The following TENM4 variants were observed in gnomAD, a reference collection of about 807,000 sequenced individuals.
TENM4 encodes the protein teneurin transmembrane protein 4, also known as teneurin-4.
A neutral mutation model predicts 243.3 loss-of-function variants in TENM4; 82 were observed. The ratio of observed to expected loss-of-function variants is 0.34; its 90% confidence interval spans 0.28 to 0.40. The LOEUF (loss-of-function observed/expected upper bound fraction) is 0.40. TENM4 is among the 10% of genes least tolerant of loss of function. TENM4 has a pLI of 1.00. For missense variants in TENM4, 3,138 were observed against 3,673.3 expected (o/e 0.85, Z 3.77); for synonymous variants, 1,412 against 1,456.3 (o/e 0.97, Z 0.69).
At position 79,128,345 on chromosome 11, in the gene TENM4, T is replaced by C. The variant is rs116833327; in HGVS notation, c.-66+20365A>G. Among the ~76,000 whole-genome samples the C allele has an allele frequency of 7.8e-3, 1,182 of 152,330 alleles. 17 individuals are homozygous for C. Among genetic ancestry groups the C allele is most frequent in the African/African-American group, 0.028 (1,144 of 41,568 alleles). On this transcript the variant is annotated intron_variant, in intron 4 of 33. Coordinates refer to ENST00000278550, the MANE Select transcript of TENM4 (RefSeq NM_001098816.3). ...GAAACCTGTACTGTCTATCATGAAC[T>C]GGGTGCTTTCAGACCCATCTATCCA... is the stretch of plus-strand genomic sequence containing the variant.
intron 4 of TENM4, among the ~76,000 whole-genome samples, chr11:79,082,192 A>G (rs956081736): frequency 3.3e-5 from 5 of 152,106 alleles, no homozygotes; most frequent in African/African-American, 9.7e-5. Context: ...AAGCTCTCTG[A>G]CTTTCTCTTT....
At chr11:79,010,930 A>C (rs1278205160) in intron 6 of TENM4, among the ~76,000 whole-genome samples, 1 of 152,158 alleles carries the variant, frequency 6.6e-6, no homozygotes, top group Non-Finnish European at 1.5e-5. Flanking sequence ...GCCCCTTACT[A>C]GCTGTGGGTC....
At chr11:79,185,514 T>C (rs778782873) in intron 3 of TENM4, among the ~76,000 whole-genome samples, 4 of 152,184 alleles carry the variant, frequency 2.6e-5, no homozygotes, top group Admixed American at 1.3e-4. Context: ...CCAATTTTCA[T>C]ATTGTATCAC....
At chr11:79,223,548 C>A (rs1565257247) in intron 2 of TENM4, among the ~76,000 whole-genome samples, 1 of 152,090 alleles carries the variant, frequency 6.6e-6, no homozygotes, top group Non-Finnish European at 1.5e-5. Context: ...CCTTATTGCT[C>A]CCCTATTGTC....
intron 3 of TENM4, among the ~76,000 whole-genome samples, chr11:79,161,522 G>A (rs1213632267): frequency 6.6e-6 from 1 of 152,156 alleles, no homozygotes; most frequent in Admixed American, 6.6e-5. Context: ...AGAGGGGAAG[G>A]CCATGTGAAG....
chr11:79,415,867 T>C (rs988611494), intron 1 of TENM4, among the ~76,000 whole-genome samples: 8 of 151,770 alleles, frequency 5.3e-5, no homozygotes, highest in African/African-American at 1.9e-4. Flanking sequence ...CCCCCAAATT[T>C]CCCCATCCCC....
intron 26 of TENM4, among the ~76,000 whole-genome samples, chr11:78,711,273 T>C (rs1001585886): frequency 7.2e-5 from 11 of 152,212 alleles, no homozygotes; most frequent in Admixed American, 6.5e-4. Flanking sequence ...ACAACAATAA[T>C]AGGAATCATC....
At chr11:79,007,515 G>A (rs1858520732) in intron 6 of TENM4, among the ~76,000 whole-genome samples, 1 of 152,140 alleles carries the variant, frequency 6.6e-6, no homozygotes, top group Non-Finnish European at 1.5e-5. Context: ...ACTGCAAGCG[G>A]TATGCAGGCA....
rs184376312 is a variant in TENM4, at chr11:78,734,637, T to C, written c.2877-2060A>G. ...CAAAGCCTGTCTTAATTGGCTTTGT[T>C]GGATGGAGAACTCCTAACTATCAAA... On this transcript the variant is annotated intron_variant, in intron 20 of 33. Transcript: ENST00000278550. 4.8e-3 allele frequency among the ~76,000 whole-genome samples: 733 copies of C among 152,300 alleles called. 4 individuals are homozygous for C. Among genetic ancestry groups the C allele is most frequent in the African/African-American group, 0.016 (676 of 41,560 alleles).
chr11:78,965,247 C>T (rs562972976), intron 6 of TENM4, among the ~76,000 whole-genome samples: 3 of 152,118 alleles, frequency 2.0e-5, no homozygotes, highest in Admixed American at 2.0e-4. Flanking sequence ...TATGTGAGTA[C>T]ACAATATGCA....
chr11:79,106,303 C>A (rs1415451446), intron 4 of TENM4, among the ~76,000 whole-genome samples: 1 of 152,204 alleles, frequency 6.6e-6, no homozygotes, highest in South Asian at 2.1e-4. Flanking sequence ...ATTCATGGAT[C>A]ACACCTTTGC....
chr11:79,048,105 C>A lies in TENM4; in HGVS notation c.493+16633G>T, dbSNP rs1312502948. ...TTGGGATAAAAAAGGAAAAATTAGT[C>A]CCTGACAGCCAGGAGCTGGCCTGGC... On this transcript the variant is annotated intron_variant, in intron 6 of 33. Coordinates refer to ENST00000278550, the MANE Select transcript of TENM4 (RefSeq NM_001098816.3). Among the ~76,000 whole-genome samples, 40 of 152,100 alleles carry A rather than the reference C, an allele frequency of 2.6e-4. 1 individual carries two copies. Among genetic ancestry groups the A allele is most frequent in the Admixed American group, 2.6e-3 (40 of 15,270 alleles).
At chr11:79,057,348 A>G (rs1859969373) in intron 6 of TENM4, among the ~76,000 whole-genome samples, 1 of 151,634 alleles carries the variant, frequency 6.6e-6, no homozygotes, top group Non-Finnish European at 1.5e-5. Context: ...CTAGCCACAC[A>G]CACACTCCTG....
intron 17 of TENM4, among the ~76,000 whole-genome samples, chr11:78,773,792 C>T (rs942988824): frequency 1.3e-5 from 2 of 152,204 alleles, no homozygotes; most frequent in African/African-American, 4.8e-5. Context: ...TTAGATGCTT[C>T]AGGACAGTGA....
chr11:79,298,537 A>G (rs1590861423), intron 1 of TENM4, among the ~76,000 whole-genome samples: 2 of 150,278 alleles, frequency 1.3e-5, no homozygotes, highest in East Asian at 1.9e-4. Flanking sequence ...AAAAAAAAAA[A>G]AAAAAAAAAA....
At chr11:78,859,599 A>C (rs1858766507) in intron 10 of TENM4, among the ~76,000 whole-genome samples, 1 of 152,360 alleles carries the variant, frequency 6.6e-6, no homozygotes, top group South Asian at 2.1e-4. Context: ...TCTTGAACTG[A>C]GATCTACCTA....
At chr11:79,414,441 C>G (rs1485934321) in intron 1 of TENM4, among the ~76,000 whole-genome samples, 1 of 152,112 alleles carries the variant, frequency 6.6e-6, no homozygotes, top group Non-Finnish European at 1.5e-5. Context: ...GTCCAAGGAC[C>G]AGAAGAAAGA....
Position 78,805,277 on chromosome 11 carries a change from T to TGCCCCCCCCCCCCCACCCCCCC in TENM4, c.2179+14_2179+15insGGGGGGGTGGGGGGGGGGGGGC. On this transcript the variant is annotated intron_variant, in intron 15 of 33. Coordinates refer to ENST00000278550, the MANE Select transcript of TENM4 (RefSeq NM_001098816.3). ...CCCCTCCCTCTACCCATGCTTCTTC[T>TGCCCCCCCCCCCCCACCCCCCC]CCCCCTGCATTTACCGATAGAACAG... 1.4e-6 allele frequency: 2 copies of TGCCCCCCCCCCCCCACCCCCCC among 1,402,550 alleles called. No individual in the cohort carries two copies. Among genetic ancestry groups the TGCCCCCCCCCCCCCACCCCCCC allele is most frequent in the East Asian group, 3.1e-5 (1 of 32,218 alleles). 86.9% of individuals were successfully genotyped at this position (1,402,550 alleles called of 1,614,324 possible).
intron 6 of TENM4, among the ~76,000 whole-genome samples, chr11:78,965,995 C>T (rs1225817908): frequency 1.3e-5 from 2 of 151,842 alleles, no homozygotes; most frequent in Admixed American, 6.6e-5. Flanking sequence ...TACACGAGTG[C>T]TTGGAATATG....
Sources: allele counts gnomAD v4.1 joint callset (sites outside exome capture counted in the v4.1 genomes callset), GRCh38; gene constraint gnomAD v4.1.1; transcripts MANE v1.5; gene names NCBI Gene and HGNC (gene_info 2026-07-23, HGNC 2026-07-21).